The following GFI1 variants were observed in gnomAD, a reference collection of about 807,000 sequenced individuals.
GFI1 encodes the protein growth factor independent 1 transcriptional repressor.
Under a neutral mutation model 39.2 loss-of-function variants are expected in GFI1, and 15 were observed. The observed-to-expected ratio is 0.38, with a 90% CI of 0.26 to 0.59. The LOEUF (loss-of-function observed/expected upper bound fraction) is 0.59. Ranked by LOEUF, GFI1 falls within the 20% of genes least tolerant of loss-of-function variation. The pLI is 0.62. For synonymous variants in GFI1, 239 were observed against 254.3 expected (o/e 0.94, Z 0.57); for missense variants, 475 against 574.0 (o/e 0.83, Z 1.76).
chr1:92,476,576 A>C (rs1435437004), intron 6 of GFI1, among the ~76,000 whole-genome samples: 1 of 152,188 alleles, frequency 6.6e-6, no homozygotes, highest in Non-Finnish European at 1.5e-5. Flanking sequence ...TTCAACAGGA[A>C]GGGGAGGGGG....
chr1:92,482,925 G>C lies in GFI1; in HGVS notation c.237C>G (p.Val79=). The change falls in exon 3 of 7, where the codon GTC becomes GTG. Residue 79 remains valine, a synonymous_variant. Transcript: ENST00000294702. The surrounding 1 kb of genome is among the most constrained non-coding windows in gnomAD (Gnocchi z 4.4). ...CCTCAAACTCCGAGCTCCGTTCGCA[G>C]ACGCTGCCTTCGCAGCTGTCTGGGG... ...SASPDSCEGS[V]CERSSEFEDF... 6.2e-7 allele frequency: 1 copy of C among 1,614,108 alleles called. No homozygotes were observed. Among genetic ancestry groups the C allele is most frequent in the Non-Finnish European group, 8.5e-7 (1 of 1,180,002 alleles).
In GFI1 at chr1:92,482,807, C is replaced by A. The variant is rs778381648; in HGVS notation, c.298+57G>T. On this transcript the variant is annotated intron_variant, in intron 3 of 6. Coordinates refer to ENST00000294702, the MANE Select transcript of GFI1 (RefSeq NM_005263.5). This position sits in a 1 kb window ranked among gnomAD's most constrained non-coding sequence, Gnocchi z 4.4. ...ACGCCCAAGGTCGCGCCAATTCCCCCCCAGCACTGCCGGGTCCCTGCAGCT... is the reference window on the plus strand; with the variant it reads ...ACGCCCAAGGTCGCGCCAATTCCCCACCAGCACTGCCGGGTCCCTGCAGCT... The A allele has an allele frequency of 6.9e-5, 96 of 1,397,268 alleles. No individual in the cohort carries two copies. Among genetic ancestry groups the A allele is most frequent in the Non-Finnish European group, 9.0e-5 (89 of 984,054 alleles). 86.6% of individuals were successfully genotyped at this position (1,397,268 alleles called of 1,614,324 possible).
In GFI1 at chr1:92,475,373, C is replaced by T. The variant is rs907882749; in HGVS notation, c.*656G>A. ...TCCCCTCTCATTACCAACTTCTCTTCTGCTTCTTCTTGGGGGTAGCCTCGA... is the reference window on the plus strand; with the variant it reads ...TCCCCTCTCATTACCAACTTCTCTTTTGCTTCTTCTTGGGGGTAGCCTCGA... On this transcript the variant is annotated 3_prime_UTR_variant, in exon 7 of 7. Transcript: ENST00000294702. The T allele has an allele frequency of 1.3e-5, 2 of 154,492 alleles. No individual in the cohort carries two copies. Among genetic ancestry groups the T allele is most frequent in the African/African-American group, 4.8e-5 (2 of 41,414 alleles). The allele number at this position is 154,492 out of a possible 1,614,324, so 9.6% of individuals were successfully genotyped here. A position where few individuals can be genotyped will look rare whatever the true frequency, so the allele number is the denominator to read the frequency against.
rs980525485 is a variant in GFI1 at position 92,484,484 on chromosome 1, G to T, written c.-99-898C>A. 2.6e-5 allele frequency: 4 copies of T among 152,252 alleles called. No homozygotes were observed. Among genetic ancestry groups the T allele is most frequent in the African/African-American group, 9.6e-5 (4 of 41,464 alleles). 9.4% of individuals were successfully genotyped at this position (152,252 alleles called of 1,614,324 possible). A position where few individuals can be genotyped will look rare whatever the true frequency, so the allele number is the denominator to read the frequency against. On this transcript the variant is annotated intron_variant, in intron 1 of 6. Transcript: ENST00000294702. The surrounding 1 kb of genome is among the most constrained non-coding windows in gnomAD (Gnocchi z 4.1). ...CCTAGGGAGGTGGAGCCCGATCCAC[G>T]AACGTTGACTGGGAAATGCTAGGTG...
rs1047460785 is a variant in GFI1 at position 92,481,678 on chromosome 1, G to A, written c.299-590C>T. 7.2e-5 allele frequency among the ~76,000 whole-genome samples: 11 copies of A among 152,306 alleles called. No homozygotes were observed. The highest frequency in any genetic ancestry group is 2.6e-4 in the African/African-American group (11 of 41,558). On this transcript the variant is annotated intron_variant, in intron 3 of 6. Coordinates refer to ENST00000294702, the MANE Select transcript of GFI1 (RefSeq NM_005263.5). This position sits in a 1 kb window ranked among gnomAD's most constrained non-coding sequence, Gnocchi z 4.3. Reference sequence around the variant, plus strand: ...AGGTATTAAGATTTCACGAAGTTAAGTGCCCAGTGTACGTAGCAAAGGAGC... The same window carrying A: ...AGGTATTAAGATTTCACGAAGTTAAATGCCCAGTGTACGTAGCAAAGGAGC...
rs1241686560 is a variant in GFI1 at position 92,484,347 on chromosome 1, G to C, written c.-99-761C>G. On this transcript the variant is annotated intron_variant, in intron 1 of 6. Coordinates refer to ENST00000294702, the MANE Select transcript of GFI1 (RefSeq NM_005263.5). This position sits in a 1 kb window ranked among gnomAD's most constrained non-coding sequence, Gnocchi z 4.1. ...ACTTTGCCCTTGGACTCCCGGCTGC[G>C]GCGGGCACCGGTCGAGGCTGCGGCG... 1 of 152,770 alleles carries C rather than the reference G, an allele frequency of 6.5e-6. No individual in the cohort carries two copies. Among genetic ancestry groups the C allele is most frequent in the African/African-American group, 2.4e-5 (1 of 41,468 alleles). The allele number at this position is 152,770 out of a possible 1,614,324, so 9.5% of individuals were successfully genotyped here. A position where few individuals can be genotyped will look rare whatever the true frequency, so the allele number is the denominator to read the frequency against.
Position 92,480,329 on chromosome 1 carries a change from C to A in GFI1, c.924+19G>T. The A allele has an allele frequency of 1.3e-6, 2 of 1,545,114 alleles. No homozygotes were observed. Among genetic ancestry groups the A allele is most frequent in the East Asian group, 4.9e-5 (2 of 40,880 alleles). ...GATCCCCGAGCAGGGCCGCGCGCGG[C>A]GGTGCGCCCCGCGCTTACCTGCGAG... On this transcript the variant is annotated intron_variant, in intron 5 of 6. Transcript: ENST00000294702. This position sits in a 1 kb window ranked among gnomAD's most constrained non-coding sequence, Gnocchi z 5.6.
chr1:92,480,552 A>AG lies in GFI1; in HGVS notation c.786+48dup. 6.5e-7 allele frequency: 1 copy of AG among 1,543,276 alleles called. No homozygotes were observed. Among genetic ancestry groups the AG allele is most frequent in the Non-Finnish European group, 8.7e-7 (1 of 1,145,052 alleles). On this transcript the variant is annotated intron_variant, in intron 4 of 6. Transcript: ENST00000294702. The surrounding 1 kb of genome is among the most constrained non-coding windows in gnomAD (Gnocchi z 5.6). ...CGCGGGGCGCAGGCGAGGCGCGGGTAGGGGAAGCGGGCGCACGGCAGGCGA... is the reference window on the plus strand; with the variant it reads ...CGCGGGGCGCAGGCGAGGCGCGGGTAGGGGGAAGCGGGCGCACGGCAGGCGA...
In GFI1 at chr1:92,482,681, C is replaced by A. The variant is rs545511857; in HGVS notation, c.298+183G>T. On this transcript the variant is annotated intron_variant, in intron 3 of 6. Transcript: ENST00000294702. This position sits in a 1 kb window ranked among gnomAD's most constrained non-coding sequence, Gnocchi z 4.4. Reference sequence around the variant, plus strand: ...CCTGGGATGGAGGCAGCAGCCCCAGCGGGCAAGCTGTCCAAGTCCCAGAGA... The same window carrying A: ...CCTGGGATGGAGGCAGCAGCCCCAGAGGGCAAGCTGTCCAAGTCCCAGAGA... Among the ~76,000 whole-genome samples, 1 of 152,250 alleles carries A rather than the reference C, an allele frequency of 6.6e-6. No individual in the cohort carries two copies. Among genetic ancestry groups the A allele is most frequent in the East Asian group, 1.9e-4 (1 of 5,202 alleles).
chr1:92,481,092 TG>T lies in GFI1; in HGVS notation c.299-5del. 2 of 1,609,856 alleles carry T rather than the reference TG, an allele frequency of 1.2e-6. No homozygotes were observed. Among genetic ancestry groups the T allele is most frequent in the Non-Finnish European group, 1.7e-6 (2 of 1,177,942 alleles). ...GGGCACATTGACTTCTCCGAGGCTGTGGAGGCACAAGGGGAGCGTCCGGTCA... is the reference window on the plus strand; with the variant it reads ...GGGCACATTGACTTCTCCGAGGCTGTGAGGCACAAGGGGAGCGTCCGGTCA... On this transcript the variant is annotated splice_polypyrimidine_tract_variant and splice_region_variant and intron_variant, in intron 3 of 6. Coordinates refer to ENST00000294702, the MANE Select transcript of GFI1 (RefSeq NM_005263.5). This position sits in a 1 kb window ranked among gnomAD's most constrained non-coding sequence, Gnocchi z 4.3.
In GFI1 at chr1:92,474,675, T is replaced by C. The variant is rs954611072; in HGVS notation, c.*1354A>G. ...TGTGTGCTTCACTTTTATACTCCAT[T>C]GCAGTTTCCTTCAGTGCCAGCTTTC... On this transcript the variant is annotated 3_prime_UTR_variant, in exon 7 of 7. Coordinates refer to ENST00000294702, the MANE Select transcript of GFI1 (RefSeq NM_005263.5). The C allele has an allele frequency of 6.5e-6, 1 of 152,682 alleles. No individual in the cohort carries two copies. Among genetic ancestry groups the C allele is most frequent in the Non-Finnish European group, 1.5e-5 (1 of 68,050 alleles). 9.5% of individuals were successfully genotyped at this position (152,682 alleles called of 1,614,324 possible).
Position 92,483,011 on chromosome 1 carries a change from G to A in GFI1, c.151C>T (p.Pro51Ser), listed in dbSNP as rs1313952423. 4 of 1,605,992 alleles carry A rather than the reference G, an allele frequency of 2.5e-6. No homozygotes were observed. Among genetic ancestry groups the A allele is most frequent in the African/African-American group, 1.3e-5 (1 of 74,716 alleles). The part of the protein sequence containing the change: ...TSNAGGAKAE[P>S]RDRLSPESQL... ...GATTCGGGGGACAAACGGTCCCGGG[G>A]CTCCGCCTTCGCCCCGCCTGCATTT... The change falls in exon 3 of 7, where the codon CCC becomes TCC. Residue 51 changes from proline (P) to serine (S), a missense_variant. This residue lies in a region of GFI1 where 275 missense variants were observed against 275.8 expected (regional missense o/e 1.00). Transcript: ENST00000294702.
chr1:92,483,413 A>G lies in GFI1; in HGVS notation c.75T>C (p.Tyr25=). Residue 25 remains tyrosine, a synonymous_variant, in exon 2 of 7, where the codon TAT becomes TAC. Coordinates refer to ENST00000294702, the MANE Select transcript of GFI1 (RefSeq NM_005263.5). ...CCGGTACATTCTCTAAACGGAGGGA[A>G]TAGTCTGGTCCTGGGGAGCGCGGCT... The part of the protein sequence containing the change: ...YHQPRSPGPD[Y]SLRLENVPAP... 6.2e-7 allele frequency: 1 copy of G among 1,612,122 alleles called. No individual in the cohort carries two copies. The highest frequency in any genetic ancestry group is 8.5e-7 in the Non-Finnish European group (1 of 1,178,344).
rs1362484850 is a variant in GFI1 at position 92,481,948 on chromosome 1, T to TGCGC, written c.299-861_299-860insGCGC. ...CGGCATTTACAAATGTGTGTGTGTGTGTGTGCGCACAACACTCCAGTTCAG... is the reference window on the plus strand; with the variant it reads ...CGGCATTTACAAATGTGTGTGTGTGTGCGCGTGTGCGCACAACACTCCAGTTCAG... On this transcript the variant is annotated intron_variant, in intron 3 of 6. Coordinates refer to ENST00000294702, the MANE Select transcript of GFI1 (RefSeq NM_005263.5). This position sits in a 1 kb window ranked among gnomAD's most constrained non-coding sequence, Gnocchi z 4.3. Among the ~76,000 whole-genome samples, 10 of 1,166 alleles carry TGCGC rather than the reference T, an allele frequency of 8.6e-3. No individual in the cohort carries two copies. The highest frequency in any genetic ancestry group is 0.034 in the African/African-American group (7 of 208). The allele number at this position is 1,166 out of a possible 152,430, so 0.8% of individuals were successfully genotyped here.
At chr1:92,478,938 T>C (rs1369836818) in intron 5 of GFI1, among the ~76,000 whole-genome samples, 185 bp from the exon 6 acceptor site, 1 of 152,188 alleles carries the variant, frequency 6.6e-6, no homozygotes, top group Non-Finnish European at 1.5e-5. Context: ...CGATCTCAGT[T>C]CACTGCACCC....
rs1225080111 is a variant in GFI1 at position 92,473,264 on chromosome 1, A to C, written c.*2765T>G. On this transcript the variant is annotated 3_prime_UTR_variant, in exon 7 of 7. Coordinates refer to ENST00000294702, the MANE Select transcript of GFI1 (RefSeq NM_005263.5). Reference sequence around the variant, plus strand: ...AACAGGGATAACAAAAATGGACCAAATGTTCTAAACGTCATAAGGGAAGAG... The same window carrying C: ...AACAGGGATAACAAAAATGGACCAACTGTTCTAAACGTCATAAGGGAAGAG... Among the ~76,000 whole-genome samples, 1 of 152,106 alleles carries C rather than the reference A, an allele frequency of 6.6e-6. No homozygotes were observed. Among genetic ancestry groups the C allele is most frequent in the African/African-American group, 2.4e-5 (1 of 41,412 alleles).
chr1:92,476,113 G>C lies in GFI1; in HGVS notation c.1185C>G (p.Pro395=). Residue 395 remains proline (P), a synonymous_variant, in exon 7 of 7, where the codon CCC becomes CCG. Coordinates refer to ENST00000294702, the MANE Select transcript of GFI1 (RefSeq NM_005263.5). The part of the protein sequence containing the change: ...THSRKHTGFK[P]FGCDLCGKGF... ...CCTTCCCACAGAGGTCGCAGCCGAA[G>C]GGCTTGAAGCCTGTGTGTTTGCGGC... 1 of 1,614,118 alleles carries C rather than the reference G, an allele frequency of 6.2e-7. No individual in the cohort carries two copies. Among genetic ancestry groups the C allele is most frequent in the South Asian group, 1.1e-5 (1 of 91,012 alleles).
At position 92,478,602 on chromosome 1, in the gene GFI1, G is replaced by A. The variant is rs1234266152; in HGVS notation, c.1076C>T (p.Thr359Ile). 32 of 1,613,936 alleles carry A rather than the reference G, an allele frequency of 2.0e-5. No homozygotes were observed. Among genetic ancestry groups the A allele is most frequent in the Non-Finnish European group, 2.5e-5 (30 of 1,179,952 alleles). ...FHQKSDMKKH[T>I]FIHTGEKPHK... ...TTTTAGCTCACCAGTGTGGATGAAA[G>A]TGTGTTTCTTCATGTCTGACTTCTG... The change falls in exon 6 of 7, where the codon ACT becomes ATT. Residue 359 changes from threonine (T) to isoleucine (I), a missense_variant. Physicochemically the swap from Thr to Ile is moderately conservative, Grantham distance 89. Around this residue, in one of 4 missense-constraint regions of GFI1, gnomAD observed 112 missense variants for 202.8 expected, o/e 0.55. Transcript: ENST00000294702.
chr1:92,474,737 C>T lies in GFI1; in HGVS notation c.*1292G>A, dbSNP rs957686685. ...TAAAACAAAGGTCTTCCCCAAATTC[C>T]CTGCCTAAAGGAAAGGCAATCTGTA... On this transcript the variant is annotated 3_prime_UTR_variant, in exon 7 of 7. Coordinates refer to ENST00000294702, the MANE Select transcript of GFI1 (RefSeq NM_005263.5). The T allele has an allele frequency of 1.3e-5, 2 of 152,648 alleles. No homozygotes were observed. The highest frequency in any genetic ancestry group is 6.5e-5 in the Admixed American group (1 of 15,288). The allele number at this position is 152,648 out of a possible 1,614,324, so 9.5% of individuals were successfully genotyped here. A position where few individuals can be genotyped will look rare whatever the true frequency, so the allele number is the denominator to read the frequency against.
Sources: allele counts gnomAD v4.1 joint callset (sites outside exome capture counted in the v4.1 genomes callset), GRCh38; gene constraint gnomAD v4.1.1; regional missense constraint gnomAD v4.1.1; non-coding constraint Gnocchi (gnomAD v3.1); transcripts MANE v1.5; gene names NCBI Gene and HGNC (gene_info 2026-07-23, HGNC 2026-07-21).